FOXR1: variants seen among roughly 807,000 people sequenced by gnomAD.
FOXR1 encodes forkhead box R1.
In FOXR1, 25 loss-of-function variants were observed where a neutral mutation model predicts 34.5. The observed-to-expected ratio is 0.72, with a 90% CI of 0.53 to 1.01. The LOEUF is 1.01. Ranked by LOEUF, FOXR1 falls within the 50% of genes least tolerant of loss-of-function variation. The pLI is 0.00. For synonymous variants in FOXR1, 153 were observed against 141.6 expected, an observed-to-expected ratio of 1.08 and a Z score of -0.57; for missense variants, 373 against 376.2, an observed-to-expected ratio of 0.99 and a Z score of 0.07.
chr11:118,978,186 C>G lies in FOXR1; in HGVS notation c.62-596C>G, dbSNP rs144963145. On this transcript the variant is annotated intron_variant, in intron 1 of 5. Transcript: ENST00000317011. The stretch of plus-strand genomic sequence containing the variant: ...TGAGCCAAGATCGCGCCACTACACT[C>G]CAGCCTGGGCGACAGAGCGAGACTC... 7.2e-3 allele frequency among the ~76,000 whole-genome samples: 1,094 copies of G among 151,832 alleles called. 15 individuals carry two copies. Among genetic ancestry groups the G allele is most frequent in the South Asian group, 0.027 (132 of 4,802 alleles).
chr11:118,973,543 G>T (rs1941741570), intron 1 of FOXR1, among the ~76,000 whole-genome samples: 1 of 152,068 alleles, frequency 6.6e-6, no homozygotes. Flanking sequence ...GGGACTACAG[G>T]CACGCGCTAC....
chr11:118,979,281 C>T (rs562857786), intron 3 of FOXR1, 77 bp downstream of exon 3: 1 of 1,499,326 alleles, frequency 6.7e-7, no homozygotes, highest in Non-Finnish European at 8.9e-7. Flanking sequence ...CAGTTCTGCT[C>T]TCTTAGCCAT....
In FOXR1 at chr11:118,979,372, C is replaced by G. The variant is rs614245; in HGVS notation, c.385-70C>G. On this transcript the variant is annotated intron_variant, in intron 3 of 5. Coordinates refer to ENST00000317011, the MANE Select transcript of FOXR1 (RefSeq NM_181721.3). The stretch of plus-strand genomic sequence containing the variant: ...CAAATGGTGGCCTTAGACCACCCCC[C>G]CTTCCTGCCACTGCACCCTGGAGTA... The G allele has an allele frequency of 4.4e-4, 658 of 1,486,610 alleles. 1 individual carries two copies. Among genetic ancestry groups the G allele is most frequent in the Non-Finnish European group, 5.6e-4 (622 of 1,111,082 alleles). 92.1% of individuals were successfully genotyped at this position (1,486,610 alleles called of 1,614,324 possible).
At chr11:118,972,619 T>C (rs1001220690) in intron 1 of FOXR1, among the ~76,000 whole-genome samples, 4 of 151,960 alleles carry the variant, frequency 2.6e-5, no homozygotes, top group Admixed American at 6.6e-5. Context: ...AACTCTTTTT[T>C]TTTTTTCCAA....
chr11:118,976,999 C>G (rs1941787231), intron 1 of FOXR1, among the ~76,000 whole-genome samples: 1 of 150,408 alleles, frequency 6.6e-6, no homozygotes. Context: ...GTTTGTTTGT[C>G]TATTTGTTTT....
Position 118,971,783 on chromosome 11 carries a change from G to C in FOXR1, c.-149G>C. Reference sequence around the variant, plus strand: ...GGCGCATTTGAGAAGGCGCCTGTGAGGGTCGCTCCTCAGCCGCCGCGCTCC... The same window carrying C: ...GGCGCATTTGAGAAGGCGCCTGTGACGGTCGCTCCTCAGCCGCCGCGCTCC... On this transcript the variant is annotated 5_prime_UTR_variant, in exon 1 of 6. Coordinates refer to ENST00000317011, the MANE Select transcript of FOXR1 (RefSeq NM_181721.3). 1.3e-6 allele frequency: 1 copy of C among 775,376 alleles called. No individual in the cohort carries two copies. The allele number at this position is 775,376 out of a possible 1,614,324, so 48.0% of individuals were successfully genotyped here.
At chr11:118,978,141 C>T (rs1364748292) in intron 1 of FOXR1, among the ~76,000 whole-genome samples, 3 of 151,844 alleles carry the variant, frequency 2.0e-5, no homozygotes, top group African/African-American at 7.3e-5. Flanking sequence ...TCACTTGAAC[C>T]TGGGAGGCAG....
intron 1 of FOXR1, among the ~76,000 whole-genome samples, chr11:118,976,221 G>T (rs55970513): frequency 0.45 from 68,171 of 152,050 alleles, 15,850 homozygotes; most frequent in Admixed American, 0.57. Flanking sequence ...TTTGAAGCAA[G>T]GTCTGGCTTT....
rs899507681 is a variant in FOXR1, at chr11:118,979,366, A to AC, written c.385-69dup. The AC allele has an allele frequency of 3.0e-4, 443 of 1,483,666 alleles. 1 individual carries two copies. In the Middle Eastern group the frequency reaches 3.3e-3, roughly 11 times the overall value. The allele number at this position is 1,483,666 out of a possible 1,614,324, so 91.9% of individuals were successfully genotyped here. On this transcript the variant is annotated intron_variant, in intron 3 of 5. Coordinates refer to ENST00000317011, the MANE Select transcript of FOXR1 (RefSeq NM_181721.3). ...GAAGCCCAAATGGTGGCCTTAGACC[A>AC]CCCCCCCTTCCTGCCACTGCACCCT...
intron 5 of FOXR1, among the ~76,000 whole-genome samples, 195 bp downstream of exon 5, chr11:118,980,923 G>A (rs1053930039): frequency 2.6e-5 from 4 of 152,208 alleles, no homozygotes; most frequent in Non-Finnish European, 2.9e-5. Flanking sequence ...AGTGTGGGGC[G>A]TGATGTGCCA....
intron 1 of FOXR1, among the ~76,000 whole-genome samples, chr11:118,975,515 G>C (rs1251979650): frequency 6.6e-6 from 1 of 151,198 alleles, no homozygotes; most frequent in Non-Finnish European, 1.5e-5. Context: ...GCAGCCTTGA[G>C]CAGCCTTGAG....
chr11:118,972,137 C>CCT (rs1289132875), intron 1 of FOXR1, 145 bp downstream of exon 1: 2 of 533,222 alleles, frequency 3.8e-6, no homozygotes, highest in Non-Finnish European at 5.8e-6. Context: ...GCGCCCCCCC[C>CCT]CCCCGACGGC....
At position 118,980,712 on chromosome 11, in the gene FOXR1, G is replaced by A. The variant is rs1296803820; in HGVS notation, c.834G>A (p.Gln278=). Reference sequence around the variant, plus strand: ...CCACTCGGCTAGAAAGTATCCAACAGTGCATGAGCCAGCCAGGTGTGAAGA... The same window carrying A: ...CCACTCGGCTAGAAAGTATCCAACAATGCATGAGCCAGCCAGGTGTGAAGA... ...LASTRLESIQ[Q]CMSQPDVMPF... is the part of the protein sequence containing the mutation. Residue 278 remains glutamine (Q), a synonymous_variant, in exon 5 of 6, where the codon CAG becomes CAA. Transcript: ENST00000317011. 6.2e-7 allele frequency: 1 copy of A among 1,612,864 alleles called. No individual in the cohort carries two copies. Among genetic ancestry groups the A allele is most frequent in the Non-Finnish European group, 8.5e-7 (1 of 1,179,862 alleles).
chr11:118,979,224 G>T lies in FOXR1; in HGVS notation c.384+20G>T. The T allele has an allele frequency of 6.6e-7, 1 of 1,515,018 alleles. No individual in the cohort carries two copies. 93.8% of individuals were successfully genotyped at this position (1,515,018 alleles called of 1,614,324 possible). A position where few individuals can be genotyped will look rare whatever the true frequency, so the allele number is the denominator to read the frequency against. On this transcript the variant is annotated intron_variant, in intron 3 of 5. Coordinates refer to ENST00000317011, the MANE Select transcript of FOXR1 (RefSeq NM_181721.3). ...TGGGAGGTATGCATTTTTGGGGATG[G>T]GAGTGGGACTTGGGCAGTAGGCGAG... is the stretch of plus-strand genomic sequence containing the variant.
chr11:118,972,078 C>A (rs1941712381), intron 1 of FOXR1, 86 bp downstream of exon 1: 3 of 1,276,144 alleles, frequency 2.4e-6, no homozygotes, highest in Admixed American at 2.1e-5. Context: ...AGACGGCTCC[C>A]CAGCCTTCGC....
At position 118,978,842 on chromosome 11, in the gene FOXR1, AC is replaced by A; in HGVS notation, c.125del (p.Pro42LeufsTer16). ...AAATTACCCCTAGAGAAAAAACCCA[AC>A]CCTGATAAGGATGGTACGTATTGAG... ...PPKLPLEKKP[N>X]PDKDGPDYEP... On this transcript the variant is annotated frameshift_variant, in exon 2 of 6. Transcript: ENST00000317011. LOFTEE classifies it high-confidence loss of function. The A allele has an allele frequency of 6.2e-7, 1 of 1,614,126 alleles. No individual in the cohort carries two copies. Among genetic ancestry groups the A allele is most frequent in the Non-Finnish European group, 8.5e-7 (1 of 1,180,028 alleles).
Position 118,972,129 on chromosome 11 carries a change from G to GCC in FOXR1, c.61+148_61+149dup, listed in dbSNP as rs764442884. 1,690 of 359,800 alleles carry GCC rather than the reference G, an allele frequency of 4.7e-3. 21 individuals are homozygous for GCC. Among genetic ancestry groups the GCC allele is most frequent in the Admixed American group, 5.7e-3 (101 of 17,856 alleles). The allele number at this position is 359,800 out of a possible 1,614,324, so 22.3% of individuals were successfully genotyped here. ...AGGCTTGGGGGGCCGAGCGCCCCGC[G>GCC]CCCCCCCCCCCCGACGGCTTAGCTC... On this transcript the variant is annotated intron_variant, in intron 1 of 5. Transcript: ENST00000317011.
intron 1 of FOXR1, 92 bp from the exon 2 acceptor site, chr11:118,978,690 C>G: frequency 2.2e-6 from 3 of 1,377,142 alleles, no homozygotes; most frequent in Non-Finnish European, 2.1e-6. Context: ...GGCCCACAAC[C>G]TTCTCCCAGA....
Position 118,978,264 on chromosome 11 carries a change from G to A in FOXR1, c.62-518G>A, listed in dbSNP as rs1025745364. Among the ~76,000 whole-genome samples, 12 of 151,902 alleles carry A rather than the reference G, an allele frequency of 7.9e-5. 1 individual carries two copies. The highest frequency in any genetic ancestry group is 2.4e-4 in the African/African-American group (10 of 41,422). On this transcript the variant is annotated intron_variant, in intron 1 of 5. Coordinates refer to ENST00000317011, the MANE Select transcript of FOXR1 (RefSeq NM_181721.3). ...TAGTGGGGTGCAGTGGCATGTACCTGTAGTTCCAGCTACCTGGGAGACTGA... is the reference window on the plus strand; with the variant it reads ...TAGTGGGGTGCAGTGGCATGTACCTATAGTTCCAGCTACCTGGGAGACTGA...
Sources: gnomAD v4.1 joint callset for allele counts (sites outside exome capture counted in the v4.1 genomes callset) on GRCh38, gnomAD v4.1.1 for gene constraint, MANE v1.5 for transcripts, NCBI Gene and HGNC (gene_info 2026-07-23, HGNC 2026-07-21) for gene names.